ZNF423: variants seen among roughly 807,000 people sequenced by gnomAD.
The protein encoded by ZNF423 is Ebf-associated zinc finger protein.
ZNF423 carries 12 observed loss-of-function variants against 95.8 expected under a neutral mutation model. The ratio of observed to expected loss-of-function variants is 0.13; its 90% CI spans 0.08 to 0.20. The LOEUF (loss-of-function observed/expected upper bound fraction) is 0.20. Ranked by LOEUF, ZNF423 falls within the 10% of genes least tolerant of loss-of-function variation. ZNF423 has a pLI of 1.00. For missense variants in ZNF423, 1,316 were observed against 1,737.1 expected, an observed-to-expected ratio of 0.76 and a Z score of 4.31; for synonymous variants, 749 against 711.9, an observed-to-expected ratio of 1.05 and a Z score of -0.83.
chr16:49,664,117 C>T (rs1228775314), intron 3 of ZNF423: 3 of 985,582 alleles, frequency 3.0e-6, no homozygotes, highest in Non-Finnish European at 3.6e-6. Context: ...CAGGGCGTCC[C>T]AGGGCAAACT....
In ZNF423 at chr16:49,702,408, G is replaced by T. The variant is rs565291364; in HGVS notation, c.301+28363C>A. ...CTTCGAGTGGGCCAGCCCCATCCTC[G>T]CCTTTGGAAGCTGGTTTGTGCAGCA... On this transcript the variant is annotated intron_variant, in intron 3 of 7. Transcript: ENST00000563137. Among the ~76,000 whole-genome samples, 5 of 152,304 alleles carry T rather than the reference G, an allele frequency of 3.3e-5. No individual in the cohort carries two copies. The South Asian group carries it at 1.0e-3, about 32-fold the overall frequency.
At chr16:49,512,334 C>A (rs1468776036) in intron 7 of ZNF423, among the ~76,000 whole-genome samples, 1 of 152,244 alleles carries the variant, frequency 6.6e-6, no homozygotes, top group Non-Finnish European at 1.5e-5. Flanking sequence ...GGCTCACCAA[C>A]CTTTGACTCT....
At chr16:49,748,373 T>C (rs911599818) in intron 2 of ZNF423, among the ~76,000 whole-genome samples, 5 of 151,944 alleles carry the variant, frequency 3.3e-5, no homozygotes, top group Non-Finnish European at 4.4e-5. Flanking sequence ...TTCTCACCAA[T>C]TTTCTGACCC....
intron 7 of ZNF423, among the ~76,000 whole-genome samples, chr16:49,495,793 AAC>A (rs2151649100): frequency 6.6e-6 from 1 of 152,148 alleles, no homozygotes; most frequent in East Asian, 1.9e-4. Context: ...CTCCATGCCC[AAC>A]ACAGTCACAA....
At chr16:49,491,326 A>G (rs1411227560) in intron 7 of ZNF423, 22 bp from the exon 8 acceptor site, 1 of 1,613,856 alleles carries the variant, frequency 6.2e-7, no homozygotes, top group South Asian at 1.1e-5. Flanking sequence ...AAGAAAGGAG[A>G]CACACATGAA....
At chr16:49,702,927 A>G (rs71382765) in intron 3 of ZNF423, among the ~76,000 whole-genome samples, 25 of 134,498 alleles carry the variant, frequency 1.9e-4, no homozygotes, top group Non-Finnish European at 3.2e-4. Context: ...ACACACACAC[A>G]CACACACACA....
chr16:49,754,204 C>T (rs1257526112), intron 2 of ZNF423, among the ~76,000 whole-genome samples: 1 of 151,954 alleles, frequency 6.6e-6, no homozygotes, highest in Non-Finnish European at 1.5e-5. Context: ...CCTAACCTGC[C>T]CTCTCTCTAC....
At chr16:49,618,796 C>T (rs1270210328) in intron 5 of ZNF423, among the ~76,000 whole-genome samples, 1 of 152,172 alleles carries the variant, frequency 6.6e-6, no homozygotes, top group Non-Finnish European at 1.5e-5. Flanking sequence ...TCACCCAAAA[C>T]CTGGTCACCT....
At chr16:49,695,993 CAG>C (rs930764787) in intron 3 of ZNF423, among the ~76,000 whole-genome samples, 4 of 152,288 alleles carry the variant, frequency 2.6e-5, no homozygotes, top group East Asian at 1.9e-4. Flanking sequence ...GGAAATTCAC[CAG>C]AGTCATAAAG....
At chr16:49,739,336 G>A (rs1227661546) in intron 2 of ZNF423, among the ~76,000 whole-genome samples, 2 of 152,166 alleles carry the variant, frequency 1.3e-5, no homozygotes, top group Non-Finnish European at 2.9e-5. Context: ...AAACCCGGAG[G>A]GGTCTGGCAG....
intron 5 of ZNF423, among the ~76,000 whole-genome samples, chr16:49,535,633 T>C (rs1483136134): frequency 1.3e-5 from 2 of 152,170 alleles, no homozygotes; most frequent in African/African-American, 2.4e-5. Flanking sequence ...TGGAGTTCTA[T>C]ACAACTCAGA....
intron 2 of ZNF423, among the ~76,000 whole-genome samples, chr16:49,785,045 T>C (rs1054037507): frequency 7.9e-5 from 12 of 152,070 alleles, no homozygotes; most frequent in Non-Finnish European, 1.5e-4. Context: ...TGTTTCTTTT[T>C]TATTATTTTT....
At chr16:49,506,785 G>C (rs1967663491) in intron 7 of ZNF423, among the ~76,000 whole-genome samples, 1 of 151,998 alleles carries the variant, frequency 6.6e-6, no homozygotes, top group Admixed American at 6.6e-5. Context: ...TAGACAGATG[G>C]ATTGATGGAT....
chr16:49,706,800 A>G (rs978131909), intron 3 of ZNF423, among the ~76,000 whole-genome samples: 7 of 152,204 alleles, frequency 4.6e-5, no homozygotes, highest in African/African-American at 1.7e-4. Context: ...AACAGAAGAG[A>G]AAGTCCAGAA....
rs182535504 is a variant in ZNF423 at position 49,699,717 on chromosome 16, A to G, written c.301+31054T>C. Among the ~76,000 whole-genome samples, 171 of 152,222 alleles carry G rather than the reference A, an allele frequency of 1.1e-3. 1 individual carries two copies. The highest frequency in any genetic ancestry group is 3.9e-3 in the African/African-American group (164 of 41,524). ...TGATGTTTTCAGTTTTGATTTGTTTATTTTTGAGTGCTCTTACCATGCCAT... is the reference window on the plus strand; with the variant it reads ...TGATGTTTTCAGTTTTGATTTGTTTGTTTTTGAGTGCTCTTACCATGCCAT... On this transcript the variant is annotated intron_variant, in intron 3 of 7. Transcript: ENST00000563137.
At chr16:49,723,372 A>G (rs912006220) in intron 3 of ZNF423, among the ~76,000 whole-genome samples, 4 of 152,230 alleles carry the variant, frequency 2.6e-5, no homozygotes, top group African/African-American at 7.2e-5. Context: ...GGGGAAGGCC[A>G]GGCATCTCAA....
chr16:49,690,562 T>G (rs2031739582), intron 3 of ZNF423, among the ~76,000 whole-genome samples: 1 of 152,212 alleles, frequency 6.6e-6, no homozygotes, highest in African/African-American at 2.4e-5. Context: ...CTGCTTTTCT[T>G]TTCATGATGT....
chr16:49,818,168 GCC>G (rs1567357708), intron 1 of ZNF423, among the ~76,000 whole-genome samples: 1 of 151,822 alleles, frequency 6.6e-6, no homozygotes, highest in Non-Finnish European at 1.5e-5. Flanking sequence ...TTGATGCACC[GCC>G]CCCCAGAATG....
intron 3 of ZNF423, among the ~76,000 whole-genome samples, chr16:49,664,490 T>C (rs1596816736): frequency 6.6e-6 from 1 of 152,320 alleles, no homozygotes; most frequent in Middle Eastern, 3.4e-3. Flanking sequence ...CTGGCTCCCC[T>C]GCCAGCTCTG....
Sources: gnomAD v4.1 joint callset for allele counts (sites outside exome capture counted in the v4.1 genomes callset) on GRCh38, gnomAD v4.1.1 for gene constraint, MANE v1.5 for transcripts, NCBI Gene and HGNC (gene_info 2026-07-23, HGNC 2026-07-21) for gene names.